The following ZC2HC1A variants were observed in gnomAD, a reference collection of about 807,000 sequenced individuals.
The protein encoded by ZC2HC1A is zinc finger C2HC domain-containing protein 1A.
In ZC2HC1A, 28 loss-of-function variants were observed where a neutral mutation model predicts 40.7. The ratio of observed to expected loss-of-function variants is 0.69; its 90% CI spans 0.51 to 0.94. The LOEUF (loss-of-function observed/expected upper bound fraction) is 0.94. ZC2HC1A is among the 40% of genes least tolerant of loss of function. The pLI is 0.00. For missense variants in ZC2HC1A, 389 were observed against 386.3 expected, an observed-to-expected ratio of 1.01 and a Z score of -0.06; for synonymous variants, 129 against 129.2, an observed-to-expected ratio of 1.00 and a Z score of 0.01.
intron 3 of ZC2HC1A, among the ~76,000 whole-genome samples, chr8:78,680,082 C>T (rs995759278): frequency 2.0e-5 from 3 of 151,982 alleles, no homozygotes; most frequent in African/African-American, 7.3e-5. Flanking sequence ...TGCTTCTGTT[C>T]ACTGTAACAT....
chr8:78,698,993 T>C (rs1418260888), intron 7 of ZC2HC1A, among the ~76,000 whole-genome samples: 2 of 152,190 alleles, frequency 1.3e-5, no homozygotes, highest in East Asian at 3.9e-4. Context: ...ACTGGACTCT[T>C]TTCACGTTTT....
At chr8:78,701,286 C>T (rs1223809629) in intron 7 of ZC2HC1A, among the ~76,000 whole-genome samples, 1 of 152,164 alleles carries the variant, frequency 6.6e-6, no homozygotes. Context: ...TGATTTGGCT[C>T]TCTGCTTAGC....
At chr8:78,687,612 T>TTATATTTACGTAATACATTA (rs1810041147) in intron 4 of ZC2HC1A, among the ~76,000 whole-genome samples, 1 of 135,558 alleles carries the variant, frequency 7.4e-6, no homozygotes, top group Admixed American at 8.1e-5. Context: ...ACATAATACA[T>TTATATTTACGTAATACATTA]TATATATATT....
chr8:78,676,332 A>T (rs1809577818), intron 2 of ZC2HC1A, among the ~76,000 whole-genome samples: 1 of 151,898 alleles, frequency 6.6e-6, no homozygotes, highest in Admixed American at 6.6e-5. Flanking sequence ...GCTCTTATTT[A>T]TGTTTGAGAT....
chr8:78,693,339 G>C (rs1435910004), intron 5 of ZC2HC1A, among the ~76,000 whole-genome samples: 1 of 151,720 alleles, frequency 6.6e-6, no homozygotes, highest in Non-Finnish European at 1.5e-5. Context: ...CTAGTTTACA[G>C]TCCCACCAAC....
intron 4 of ZC2HC1A, among the ~76,000 whole-genome samples, chr8:78,687,805 CATGTAATAAA>C (rs1563627045): frequency 5.3e-5 from 7 of 131,118 alleles, no homozygotes; most frequent in African/African-American, 1.7e-4. Flanking sequence ...TATATATATT[CATGTAATAAA>C]TATATATATT....
intron 7 of ZC2HC1A, among the ~76,000 whole-genome samples, chr8:78,704,190 T>A (rs1229684326): frequency 1.3e-5 from 2 of 151,960 alleles, no homozygotes; most frequent in African/African-American, 4.8e-5. Flanking sequence ...AAGACCAGCC[T>A]GACCAATGTG....
intron 5 of ZC2HC1A, among the ~76,000 whole-genome samples, chr8:78,690,240 A>G (rs191208319): frequency 4.7e-4 from 72 of 152,230 alleles, no homozygotes; most frequent in African/African-American, 1.7e-3. Context: ...AGTAGTCTAA[A>G]TTTTCCTACT....
chr8:78,673,605 A>G (rs1458090868), intron 1 of ZC2HC1A, among the ~76,000 whole-genome samples: 1 of 152,188 alleles, frequency 6.6e-6, no homozygotes, highest in African/African-American at 2.4e-5. Flanking sequence ...AATGATCGCC[A>G]TTCTAACTGG....
chr8:78,700,460 G>T (rs1321825194), intron 7 of ZC2HC1A, among the ~76,000 whole-genome samples: 1 of 151,956 alleles, frequency 6.6e-6, no homozygotes, highest in African/African-American at 2.4e-5. Context: ...TAGGTTGTCT[G>T]TTTACTCTGT....
chr8:78,674,297 C>A (rs1809513679), intron 1 of ZC2HC1A, among the ~76,000 whole-genome samples: 1 of 152,050 alleles, frequency 6.6e-6, no homozygotes, highest in African/African-American at 2.4e-5. Flanking sequence ...CACTTTTAAG[C>A]AAGTATAATA....
At chr8:78,686,717 G>C in intron 4 of ZC2HC1A, 109 bp downstream of exon 4, 1 of 1,175,024 alleles carries the variant, frequency 8.5e-7, no homozygotes. Flanking sequence ...AGTGTTATGA[G>C]GCATAATCTT....
intron 5 of ZC2HC1A, among the ~76,000 whole-genome samples, chr8:78,694,582 T>G (rs1810336588): frequency 6.6e-6 from 1 of 152,198 alleles, no homozygotes; most frequent in Non-Finnish European, 1.5e-5. Flanking sequence ...GCCTGGAAAT[T>G]TCTTTTCCTC....
intron 8 of ZC2HC1A, among the ~76,000 whole-genome samples, chr8:78,716,146 G>A (rs577092956): frequency 1.4e-4 from 21 of 149,460 alleles, no homozygotes; most frequent in Non-Finnish European, 2.4e-4. Flanking sequence ...TTTTTAAGAC[G>A]GAGTCTCGCT....
intron 3 of ZC2HC1A, among the ~76,000 whole-genome samples, chr8:78,685,251 AG>A (rs1212977518): frequency 2.6e-5 from 2 of 77,108 alleles, no homozygotes; most frequent in Non-Finnish European, 6.6e-5. Context: ...ACAACTGCAT[AG>A]CCATGTTAAA....
At chr8:78,687,825 TC>T (rs1393615330) in intron 4 of ZC2HC1A, among the ~76,000 whole-genome samples, 4 of 122,700 alleles carry the variant, frequency 3.3e-5, no homozygotes, top group Non-Finnish European at 3.3e-5. Context: ...ATATATATAT[TC>T]ATGTAATAAA....
intron 5 of ZC2HC1A, among the ~76,000 whole-genome samples, chr8:78,693,949 A>G (rs951681584): frequency 6.6e-6 from 1 of 152,152 alleles, no homozygotes; most frequent in East Asian, 1.9e-4. Context: ...CTTTCTACAT[A>G]TGGCTAGCCA....
intron 7 of ZC2HC1A, among the ~76,000 whole-genome samples, chr8:78,703,716 C>T (rs1024201211): frequency 5.9e-5 from 9 of 152,082 alleles, no homozygotes; most frequent in South Asian, 2.1e-4. Flanking sequence ...ACCAATGGAT[C>T]GTGGTTCTTT....
chr8:78,686,344 TCATTTAAGGA>T, intron 3 of ZC2HC1A, 113 bp from the exon 4 acceptor site: 1 of 809,710 alleles, frequency 1.2e-6, no homozygotes, highest in African/African-American at 1.8e-5. Context: ...GAGAAGGATA[TCATTTAAGGA>T]CTCCTGATAA....
Sources: gnomAD v4.1 joint callset for allele counts (sites outside exome capture counted in the v4.1 genomes callset) on GRCh38, gnomAD v4.1.1 for gene constraint, MANE v1.5 for transcripts, NCBI Gene and HGNC (gene_info 2026-07-23, HGNC 2026-07-21) for gene names.